Variants in CHN2 observed in about 807,000 individuals in gnomAD.
CHN2 encodes the protein chimerin 2.
In CHN2, 35 loss-of-function variants were observed where a neutral mutation model predicts 56.3. The observed-to-expected ratio is 0.62, with a 90% CI of 0.47 to 0.82. The LOEUF is 0.82. Among genes scored for constraint, CHN2 ranks in the 40% least tolerant of loss-of-function variants. The pLI is 0.00. For synonymous variants in CHN2, 210 were observed against 212.8 expected, an observed-to-expected ratio of 0.99 and a Z score of 0.12; for missense variants, 491 against 580.5, an observed-to-expected ratio of 0.85 and a Z score of 1.58.
At chr7:29,433,792 TCA>T in intron 6 of CHN2, among the ~76,000 whole-genome samples, 1 of 148,258 alleles carries the variant, frequency 6.7e-6, no homozygotes, top group East Asian at 2.0e-4. Context: ...TGAGCCAAGA[TCA>T]TGCCACTGCA....
chr7:29,292,712 C>T (rs1792733667), intron 1 of CHN2: 1 of 326,860 alleles, frequency 3.1e-6, no homozygotes, highest in Non-Finnish European at 6.1e-6. Flanking sequence ...GCTGTAATAA[C>T]ATCTCTTGGT....
At chr7:29,501,771 T>G (rs1477232763) in intron 9 of CHN2, among the ~76,000 whole-genome samples, 2 of 152,134 alleles carry the variant, frequency 1.3e-5, no homozygotes, top group Non-Finnish European at 2.9e-5. Flanking sequence ...CTACCAACAC[T>G]TTTCCCTGTC....
In CHN2 at chr7:29,355,827, A is replaced by G. The variant is rs912808775; in HGVS notation, c.88+1164A>G. Among the ~76,000 whole-genome samples, 3 of 115,126 alleles carry G rather than the reference A, an allele frequency of 2.6e-5. No individual in the cohort carries two copies. The South Asian group carries it at 8.9e-4, about 34-fold the overall frequency. The allele number at this position is 115,126 out of a possible 152,430, so 75.5% of individuals were successfully genotyped here. A position where few individuals can be genotyped will look rare whatever the true frequency, so the allele number is the denominator to read the frequency against. On this transcript the variant is annotated intron_variant, in intron 2 of 12. Transcript: ENST00000222792. ...GAGACAGGGTCTCGCTCTGTCACCC[A>G]GGCTGGCGTGCAGTGGCTCAATCTC...
chr7:29,486,929 T>C (rs1029162375), intron 7 of CHN2, among the ~76,000 whole-genome samples: 1 of 152,202 alleles, frequency 6.6e-6, no homozygotes, highest in Non-Finnish European at 1.5e-5. Context: ...TTCTTCTCAG[T>C]CTAGTGGTCA....
chr7:29,483,046 C>T (rs893968845), intron 7 of CHN2, among the ~76,000 whole-genome samples: 2 of 151,896 alleles, frequency 1.3e-5, no homozygotes, highest in Non-Finnish European at 2.9e-5. Context: ...TGGTCTCGAT[C>T]TCCTGACCTC....
chr7:29,189,832 C>A (rs990539288), upstream of CHN2, among the ~76,000 whole-genome samples: 3 of 152,166 alleles, frequency 2.0e-5, no homozygotes, highest in Non-Finnish European at 4.4e-5. Flanking sequence ...CCCCCAAGCC[C>A]CCCTGCAGCT....
intron 1 of CHN2, among the ~76,000 whole-genome samples, chr7:29,328,281 C>T (rs1795959076): frequency 6.6e-6 from 1 of 152,156 alleles, no homozygotes; most frequent in South Asian, 2.1e-4. Flanking sequence ...AATGTACACA[C>T]TCATTTTAGA....
intron 6 of CHN2, among the ~76,000 whole-genome samples, chr7:29,419,646 A>G (rs1362097527): frequency 1.3e-5 from 2 of 151,766 alleles, no homozygotes; most frequent in Non-Finnish European, 2.9e-5. Context: ...AACAACAACA[A>G]CAAAAGTAAA....
intron 6 of CHN2, among the ~76,000 whole-genome samples, chr7:29,466,097 G>C (rs1785524781): frequency 6.6e-6 from 1 of 152,132 alleles, no homozygotes; most frequent in Non-Finnish European, 1.5e-5. Context: ...AGCCACTCAG[G>C]AGGCTGAGGC....
chr7:29,367,914 C>G lies in CHN2; in HGVS notation c.89-18C>G. The G allele has an allele frequency of 1.2e-6, 2 of 1,606,560 alleles. No homozygotes were observed. The highest frequency in any genetic ancestry group is 8.5e-7 in the Non-Finnish European group (1 of 1,176,696). ...TAATTCTAATTATTTCTCTCTCTCT[C>G]TCTCTCTTTTTTGGCAGTATATCAG... is the stretch of plus-strand genomic sequence containing the variant. On this transcript the variant is annotated intron_variant, in intron 2 of 12. Coordinates refer to ENST00000222792, the MANE Select transcript of CHN2 (RefSeq NM_004067.4).
intron 6 of CHN2, among the ~76,000 whole-genome samples, chr7:29,474,059 G>C (rs1008654244): frequency 6.6e-6 from 1 of 152,100 alleles, no homozygotes; most frequent in South Asian, 2.1e-4. Flanking sequence ...TCAGCAGTTT[G>C]AGTGAATGTA....
At chr7:29,323,164 C>T (rs1485157940) in intron 1 of CHN2, among the ~76,000 whole-genome samples, 1 of 150,250 alleles carries the variant, frequency 6.7e-6, no homozygotes, top group African/African-American at 2.5e-5. Flanking sequence ...CCCCGTTCCC[C>T]CCCAACAAAA....
chr7:29,470,971 TA>T (rs1785977821), intron 6 of CHN2, among the ~76,000 whole-genome samples: 4 of 152,320 alleles, frequency 2.6e-5, no homozygotes. Flanking sequence ...GAAAGTCATC[TA>T]GGGCAAGAAG....
intron 1 of CHN2, among the ~76,000 whole-genome samples, chr7:29,206,244 C>T (rs1438654606): frequency 6.6e-6 from 1 of 152,076 alleles, no homozygotes; most frequent in East Asian, 1.9e-4. Flanking sequence ...GACCCTGTCA[C>T]CAGTTCACAT....
chr7:29,230,619 G>A (rs548023017), intron 1 of CHN2, among the ~76,000 whole-genome samples: 1 of 152,306 alleles, frequency 6.6e-6, no homozygotes, highest in East Asian at 1.9e-4. Flanking sequence ...GGGATTACAG[G>A]CGTGAGCCAC....
At chr7:29,318,578 C>T (rs554927207) in intron 1 of CHN2, among the ~76,000 whole-genome samples, 2 of 152,282 alleles carry the variant, frequency 1.3e-5, no homozygotes, top group South Asian at 4.1e-4. Context: ...CACTTCTTCA[C>T]AGGCTCTTAT....
At chr7:29,216,152 A>G (rs1377718230) in intron 1 of CHN2, among the ~76,000 whole-genome samples, 2 of 152,206 alleles carry the variant, frequency 1.3e-5, no homozygotes, top group Non-Finnish European at 2.9e-5. Flanking sequence ...AAAAAGCCAG[A>G]GGAAGAGGAA....
chr7:29,232,757 T>C (rs1263205297), intron 1 of CHN2, among the ~76,000 whole-genome samples: 1 of 152,226 alleles, frequency 6.6e-6, no homozygotes, highest in Admixed American at 6.5e-5. Context: ...GAATGCTCAT[T>C]GAATGCAGGG....
chr7:29,350,059 C>T (rs915925295), intron 1 of CHN2, among the ~76,000 whole-genome samples: 21 of 152,264 alleles, frequency 1.4e-4, no homozygotes, highest in African/African-American at 5.1e-4. Flanking sequence ...TTTTAAGCCT[C>T]ACAAGAATTC....
Sources: allele counts gnomAD v4.1 joint callset (sites outside exome capture counted in the v4.1 genomes callset), GRCh38; gene constraint gnomAD v4.1.1; transcripts MANE v1.5; gene names NCBI Gene and HGNC (gene_info 2026-07-23, HGNC 2026-07-21).